The following PLA2G4A variants were observed in gnomAD, a reference collection of about 807,000 sequenced individuals.
PLA2G4A encodes the protein cytosolic phospholipase A2.
In PLA2G4A, 40 loss-of-function variants were observed where a neutral mutation model predicts 81.9. The ratio of observed to expected loss-of-function variants is 0.49; its 90% confidence interval spans 0.38 to 0.64. PLA2G4A has a LOEUF of 0.64. Among genes scored for constraint, PLA2G4A ranks in the 30% least tolerant of loss-of-function variants. The probability of loss-of-function intolerance (pLI) is 0.00; values close to 1 mark genes in which losing one functional copy is unlikely to be tolerated. For missense variants in PLA2G4A, 715 were observed against 905.1 expected (o/e 0.79, Z 2.69); for synonymous variants, 302 against 296.9 (o/e 1.02, Z -0.18).
rs1430560547 is a variant in PLA2G4A at position 186,939,113 on chromosome 1, C to T, written c.801C>T (p.Leu267=). Residue 267 remains leucine, a synonymous_variant, in exon 9 of 18, where the codon CTC becomes CTT. Coordinates refer to ENST00000367466, the MANE Select transcript of PLA2G4A (RefSeq NM_024420.3). The part of the protein sequence containing the change: ...KNVSHNPLLL[L]TPQKVKRYVE... ...TTAGCCACAATCCCCTTTTACTTCTCACACCACAGAAAGTTAAAAGATATG... is the reference window on the plus strand; with the variant it reads ...TTAGCCACAATCCCCTTTTACTTCTTACACCACAGAAAGTTAAAAGATATG... The T allele has an allele frequency of 1.9e-6, 3 of 1,606,952 alleles. No individual in the cohort carries two copies. The highest frequency in any genetic ancestry group is 2.6e-6 in the Non-Finnish European group (3 of 1,173,650).
chr1:186,905,617 T>G (rs1325810959), intron 5 of PLA2G4A, among the ~76,000 whole-genome samples: 2 of 152,134 alleles, frequency 1.3e-5, no homozygotes, highest in Admixed American at 6.6e-5. Flanking sequence ...GTTTTCTGGG[T>G]CAGACCATCC....
chr1:186,924,999 G>C (rs1571407056), intron 7 of PLA2G4A, among the ~76,000 whole-genome samples: 1 of 152,004 alleles, frequency 6.6e-6, no homozygotes, highest in Admixed American at 6.6e-5. Context: ...GGTGAGCCAA[G>C]ATGGTGCCAC....
intron 3 of PLA2G4A, among the ~76,000 whole-genome samples, chr1:186,877,883 T>G (rs866908340): frequency 6.6e-6 from 1 of 150,812 alleles, no homozygotes; most frequent in Admixed American, 6.6e-5. Flanking sequence ...AACAATTTTA[T>G]ACTTCACTTT....
chr1:186,980,462 T>C lies in PLA2G4A; in HGVS notation c.2118+990T>C, dbSNP rs527795385. ...ATAGTGTCTGACAAATGATTATCAG[T>C]TGTAAAAGCTTAAGTTCAGTGGCCT... is the stretch of plus-strand genomic sequence containing the variant. On this transcript the variant is annotated intron_variant, in intron 17 of 17. Transcript: ENST00000367466. 8.5e-5 allele frequency among the ~76,000 whole-genome samples: 13 copies of C among 152,294 alleles called. No individual in the cohort carries two copies. The South Asian group carries it at 2.1e-3, about 24-fold the overall frequency.
At chr1:186,935,412 T>C (rs1049013163) in intron 8 of PLA2G4A, among the ~76,000 whole-genome samples, 8 of 150,606 alleles carry the variant, frequency 5.3e-5, no homozygotes, top group African/African-American at 2.0e-4. Flanking sequence ...GTTTTTATTT[T>C]TTTTTTTTTC....
chr1:186,884,623 T>A (rs370361781), intron 3 of PLA2G4A, among the ~76,000 whole-genome samples: 8 of 152,108 alleles, frequency 5.3e-5, no homozygotes, highest in African/African-American at 1.4e-4. Context: ...ATGCCTATAA[T>A]CCCAGCATTT....
rs1571373763 is a variant in PLA2G4A, at chr1:186,893,027, C to T, written c.132C>T (p.Pro44=). Residue 44 remains proline (P), a synonymous_variant, in exon 4 of 18, where the codon CCC becomes CCT. Transcript: ENST00000367466. ...TATCTGTAGTTGATACTCCAGATCC[C>T]TATGTGGAACTTTTTATCTCTACAA... ...AFGDMLDTPD[P]YVELFISTTP... is the part of the protein sequence containing the mutation. The T allele has an allele frequency of 6.2e-7, 1 of 1,609,672 alleles. No individual in the cohort carries two copies. Among genetic ancestry groups the T allele is most frequent in the Non-Finnish European group, 8.5e-7 (1 of 1,176,016 alleles).
At chr1:186,908,656 A>G (rs1654825277) in intron 6 of PLA2G4A, among the ~76,000 whole-genome samples, 1 of 152,010 alleles carries the variant, frequency 6.6e-6, no homozygotes, top group South Asian at 2.1e-4. Context: ...GGATAAATAG[A>G]TTATAGTATA....
Position 186,893,036 on chromosome 1 carries a change from A to G in PLA2G4A, c.141A>G (p.Glu47=), listed in dbSNP as rs1571373772. Residue 47 remains glutamate (E), a synonymous_variant, in exon 4 of 18, where the codon GAA becomes GAG. Transcript: ENST00000367466. ...TTGATACTCCAGATCCCTATGTGGA[A>G]CTTTTTATCTCTACAACCCCTGACA... ...DMLDTPDPYV[E]LFISTTPDSR... 6.2e-7 allele frequency: 1 copy of G among 1,610,694 alleles called. No homozygotes were observed. The highest frequency in any genetic ancestry group is 8.5e-7 in the Non-Finnish European group (1 of 1,176,846).
chr1:186,916,346 G>A (rs1052021388), intron 7 of PLA2G4A, among the ~76,000 whole-genome samples: 3 of 152,076 alleles, frequency 2.0e-5, no homozygotes, highest in African/African-American at 7.2e-5. Flanking sequence ...TTCTGAAGGT[G>A]GACTGGATCC....
chr1:186,900,594 T>G (rs964386950), intron 5 of PLA2G4A, among the ~76,000 whole-genome samples: 3 of 152,222 alleles, frequency 2.0e-5, no homozygotes, highest in Non-Finnish European at 4.4e-5. Flanking sequence ...TGACTGAATA[T>G]GTCAAATGTG....
chr1:186,852,189 G>C (rs555928607), intron 1 of PLA2G4A, among the ~76,000 whole-genome samples: 1 of 152,044 alleles, frequency 6.6e-6, no homozygotes, highest in East Asian at 1.9e-4. Flanking sequence ...TGCCTTCATA[G>C]AATTTATATT....
chr1:186,931,050 C>T (rs1486070978), intron 7 of PLA2G4A, among the ~76,000 whole-genome samples: 1 of 152,112 alleles, frequency 6.6e-6, no homozygotes, highest in Non-Finnish European at 1.5e-5. Flanking sequence ...ACTGCTGCAC[C>T]TAATACTTTA....
chr1:186,944,943 CA>C (rs1656285222), intron 10 of PLA2G4A, among the ~76,000 whole-genome samples: 1 of 151,918 alleles, frequency 6.6e-6, no homozygotes, highest in South Asian at 2.1e-4. Flanking sequence ...TTAGATTTTA[CA>C]AACAAATGAG....
intron 1 of PLA2G4A, among the ~76,000 whole-genome samples, chr1:186,847,359 TG>T (rs1465374448): frequency 0.029 from 2,167 of 75,264 alleles, 63 homozygotes; most frequent in African/African-American, 0.11. Flanking sequence ...ATTTCATACG[TG>T]TGTGTGTGTG....
intron 7 of PLA2G4A, among the ~76,000 whole-genome samples, chr1:186,915,816 C>T (rs905978169): frequency 1.3e-5 from 2 of 152,150 alleles, no homozygotes; most frequent in African/African-American, 4.8e-5. Context: ...TATACAGTTT[C>T]TGTCCCAGAC....
intron 5 of PLA2G4A, among the ~76,000 whole-genome samples, chr1:186,902,879 CAAAAAAA>C (rs72003812): frequency 1.0e-5 from 1 of 99,462 alleles, no homozygotes; most frequent in African/African-American, 3.9e-5. Flanking sequence ...CTTTATTGCT[CAAAAAAA>C]AAAAAAAGAA....
At chr1:186,942,740 G>A (rs12566020) in intron 10 of PLA2G4A, among the ~76,000 whole-genome samples, 6 of 152,078 alleles carry the variant, frequency 3.9e-5, no homozygotes, top group Non-Finnish European at 8.8e-5. Context: ...GGTTCTTTTA[G>A]ACTGAAAAAA....
intron 7 of PLA2G4A, among the ~76,000 whole-genome samples, chr1:186,916,649 G>C (rs989201776): frequency 1.3e-5 from 2 of 152,084 alleles, no homozygotes; most frequent in African/African-American, 4.8e-5. Context: ...AAAAACAGTG[G>C]ACATGGGAGG....
Sources: allele counts gnomAD v4.1 joint callset (sites outside exome capture counted in the v4.1 genomes callset), GRCh38; gene constraint gnomAD v4.1.1; transcripts MANE v1.5; gene names NCBI Gene and HGNC (gene_info 2026-07-23, HGNC 2026-07-21).